Variants in CDH8 observed in about 807,000 individuals in gnomAD.
CDH8 encodes the protein cadherin-8.
In CDH8, 17 loss-of-function variants were observed where a neutral mutation model predicts 68.1. The observed-to-expected ratio is 0.25, with a 90% confidence interval of 0.17 to 0.37. The LOEUF (loss-of-function observed/expected upper bound fraction) is 0.37. CDH8 is among the 10% of genes least tolerant of loss of function. The pLI, the probability that CDH8 is intolerant of heterozygous loss-of-function variation, is 1.00. For missense variants in CDH8, 763 were observed against 999.3 expected (o/e 0.76, Z 3.19); for synonymous variants, 372 against 365.1 (o/e 1.02, Z -0.21).
At chr16:61,937,286 G>A (rs1964642162) in intron 2 of CDH8, among the ~76,000 whole-genome samples, 1 of 152,080 alleles carries the variant, frequency 6.6e-6, no homozygotes, top group Admixed American at 6.6e-5. Context: ...AGAGAGAGTT[G>A]CTTACTATAG....
intron 3 of CDH8, among the ~76,000 whole-genome samples, chr16:61,880,568 C>T (rs1963555909): frequency 1.3e-5 from 2 of 152,204 alleles, no homozygotes; most frequent in South Asian, 4.1e-4. Context: ...GTTTTTAGCC[C>T]TAGGATGGTG....
chr16:61,729,190 G>A (rs916297900), intron 8 of CDH8, among the ~76,000 whole-genome samples: 9 of 151,020 alleles, frequency 6.0e-5, no homozygotes, highest in African/African-American at 2.2e-4. Context: ...ACTAAGTTAA[G>A]CATCAACTTC....
chr16:62,022,207 A>T (rs1902092097), intron 1 of CDH8, among the ~76,000 whole-genome samples: 1 of 152,162 alleles, frequency 6.6e-6, no homozygotes, highest in South Asian at 2.1e-4. Flanking sequence ...AGCTTCCAGG[A>T]TTCATCAGAA....
chr16:61,836,483 C>G (rs1301422444), intron 4 of CDH8, among the ~76,000 whole-genome samples: 1 of 152,006 alleles, frequency 6.6e-6, no homozygotes. Flanking sequence ...ACATCAATAA[C>G]TACTACCACT....
Position 61,654,076 on chromosome 16 carries a change from T to G in CDH8, c.1932A>C (p.Leu644=), listed in dbSNP as rs1343197088. The G allele has an allele frequency of 1.9e-6, 3 of 1,613,798 alleles. No homozygotes were observed. The highest frequency in any genetic ancestry group is 2.5e-6 in the Non-Finnish European group (3 of 1,179,946). ...TTAATGGTTCATTTTTATGCCGCCGTAGAGTTACAAACAGCACCACGATGA... is the reference window on the plus strand; with the variant it reads ...TTAATGGTTCATTTTTATGCCGCCGGAGAGTTACAAACAGCACCACGATGA... ...LLVIVVLFVT[L]RRHKNEPLII... Residue 644 remains leucine, a synonymous_variant, in exon 12 of 12, where the codon CTA becomes CTC. Coordinates refer to ENST00000577390, the MANE Select transcript of CDH8 (RefSeq NM_001796.5).
chr16:62,015,410 T>C (rs1262203499), intron 2 of CDH8, among the ~76,000 whole-genome samples: 1 of 152,030 alleles, frequency 6.6e-6, no homozygotes, highest in Admixed American at 6.6e-5. Context: ...TGTGTGTTTG[T>C]GTGTGTGTGT....
chr16:61,681,372 A>G (rs1964009346), intron 10 of CDH8, among the ~76,000 whole-genome samples: 1 of 151,942 alleles, frequency 6.6e-6, no homozygotes, highest in Admixed American at 6.6e-5. Context: ...GATACAAACC[A>G]CAGCTTGAAT....
intron 8 of CDH8, among the ~76,000 whole-genome samples, chr16:61,768,386 C>CCCTG: frequency 1.2e-5 from 1 of 86,804 alleles, no homozygotes; most frequent in Non-Finnish European, 2.3e-5. Flanking sequence ...CTCTCTCTCT[C>CCCTG]TCTCTCTCCC....
intron 3 of CDH8, among the ~76,000 whole-genome samples, chr16:61,884,838 G>A (rs1243070888): frequency 6.6e-6 from 1 of 152,112 alleles, no homozygotes; most frequent in Admixed American, 6.5e-5. Flanking sequence ...TTTTTAGGAA[G>A]TCAAAAACTA....
chr16:61,827,881 A>C (rs1391612817), intron 4 of CDH8, among the ~76,000 whole-genome samples: 1 of 151,832 alleles, frequency 6.6e-6, no homozygotes, highest in Non-Finnish European at 1.5e-5. Context: ...CCTACTATTG[A>C]CCACAAACCT....
Position 61,824,044 on chromosome 16 carries a change from A to G in CDH8, c.835+968T>C, listed in dbSNP as rs530538412. On this transcript the variant is annotated intron_variant, in intron 5 of 11. Coordinates refer to ENST00000577390, the MANE Select transcript of CDH8 (RefSeq NM_001796.5). ...CACCCAAGTATCCACTGACAGATGA[A>G]TGGCTAAAGAAGTTGTGGTGTATAT... 3.3e-5 allele frequency among the ~76,000 whole-genome samples: 5 copies of G among 152,034 alleles called. No individual in the cohort carries two copies. The South Asian group carries it at 1.0e-3, about 31-fold the overall frequency.
chr16:61,717,876 A>G (rs1964760481), intron 9 of CDH8, among the ~76,000 whole-genome samples: 1 of 151,466 alleles, frequency 6.6e-6, no homozygotes, highest in African/African-American at 2.4e-5. Context: ...TATCCTCACA[A>G]TACCTTGAGA....
intron 7 of CDH8, among the ~76,000 whole-genome samples, chr16:61,810,695 T>A (rs192749536): frequency 1.3e-5 from 2 of 152,228 alleles, no homozygotes; most frequent in East Asian, 3.9e-4. Context: ...ACAGTTTGAT[T>A]TTGTTTACCA....
chr16:61,847,718 C>T (rs1962840045), intron 4 of CDH8, among the ~76,000 whole-genome samples: 3 of 151,732 alleles, frequency 2.0e-5, no homozygotes, highest in Admixed American at 1.3e-4. Flanking sequence ...TTATTGAGCA[C>T]TGGAGATTTC....
intron 10 of CDH8, among the ~76,000 whole-genome samples, chr16:61,676,229 A>T (rs1567416180): frequency 6.6e-6 from 1 of 150,886 alleles, no homozygotes; most frequent in Admixed American, 6.6e-5. Flanking sequence ...AAAAGAAAAA[A>T]ATATATATAA....
chr16:61,719,599 T>C (rs1959202104), intron 9 of CDH8, among the ~76,000 whole-genome samples: 1 of 151,094 alleles, frequency 6.6e-6, no homozygotes, highest in Non-Finnish European at 1.5e-5. Flanking sequence ...ATTAGTAGGA[T>C]AAAATTCACA....
intron 2 of CDH8, among the ~76,000 whole-genome samples, chr16:61,906,137 C>T (rs1468646900): frequency 6.6e-6 from 1 of 152,080 alleles, no homozygotes; most frequent in Non-Finnish European, 1.5e-5. Flanking sequence ...ATGGATTTAA[C>T]TATAAATGTG....
At chr16:61,920,391 T>C (rs1964340727) in intron 2 of CDH8, among the ~76,000 whole-genome samples, 1 of 147,594 alleles carries the variant, frequency 6.8e-6, no homozygotes, top group South Asian at 2.2e-4. Context: ...TACAATGAAC[T>C]CAAACAAATT....
chr16:61,647,718 A>C lies in CDH8; in HGVS notation c.*5890T>G. ...TTTTGAGGAATCATAGGATGGCCTGAAGTTCTTTGCATGTACAGAAGAAAT... is the reference window on the plus strand; with the variant it reads ...TTTTGAGGAATCATAGGATGGCCTGCAGTTCTTTGCATGTACAGAAGAAAT... On this transcript the variant is annotated 3_prime_UTR_variant, in exon 12 of 12. Transcript: ENST00000577390. The C allele has an allele frequency of 1.5e-6, 1 of 678,986 alleles. No homozygotes were observed. The highest frequency in any genetic ancestry group is 2.7e-5 in the East Asian group (1 of 36,888). 42.1% of individuals were successfully genotyped at this position (678,986 alleles called of 1,614,324 possible). A position where few individuals can be genotyped will look rare whatever the true frequency, so the allele number is the denominator to read the frequency against.
Sources: allele counts gnomAD v4.1 joint callset (sites outside exome capture counted in the v4.1 genomes callset), GRCh38; gene constraint gnomAD v4.1.1; transcripts MANE v1.5; gene names NCBI Gene and HGNC (gene_info 2026-07-23, HGNC 2026-07-21).